The following WAC variants were observed in gnomAD, a reference collection of about 807,000 sequenced individuals.
WAC encodes the protein WW domain containing adaptor with coiled-coil.
In WAC, 11 loss-of-function variants were observed where a neutral mutation model predicts 79.6. The observed-to-expected ratio is 0.14, with a 90% CI of 0.09 to 0.23. The LOEUF (loss-of-function observed/expected upper bound fraction) is 0.23, where lower values mean the gene tolerates loss of function less well. Ranked by LOEUF, WAC falls within the 10% of genes least tolerant of loss-of-function variation. The pLI is 1.00. For missense variants in WAC, 728 were observed against 773.5 expected (o/e 0.94, Z 0.70); for synonymous variants, 304 against 276.9 (o/e 1.10, Z -0.97).
intron 8 of WAC, among the ~76,000 whole-genome samples, chr10:28,609,497 C>T (rs1427294844): frequency 6.6e-6 from 1 of 151,012 alleles, no homozygotes; most frequent in Non-Finnish European, 1.5e-5. Context: ...TCTGTTCTTA[C>T]TGTCCTTAAT....
At chr10:28,582,659 T>G (rs1193869080) in intron 3 of WAC, among the ~76,000 whole-genome samples, 1 of 152,230 alleles carries the variant, frequency 6.6e-6, no homozygotes, top group Non-Finnish European at 1.5e-5. Context: ...AACATTAGAC[T>G]TCTGTGGTGA....
At chr10:28,560,309 C>A (rs527485036) in intron 3 of WAC, among the ~76,000 whole-genome samples, 24 of 152,090 alleles carry the variant, frequency 1.6e-4, no homozygotes, top group Non-Finnish European at 5.9e-5. Context: ...TCTAGCGAGC[C>A]GTCCTGATGC....
intron 3 of WAC, among the ~76,000 whole-genome samples, chr10:28,579,571 CATGTGATATTTTAAG>C (rs1442427970): frequency 6.6e-6 from 1 of 152,092 alleles, no homozygotes; most frequent in Non-Finnish European, 1.5e-5. Flanking sequence ...TATAAAAATT[CATGTGATATTTTAAG>C]ATAGGAGATT....
chr10:28,539,572 GT>G (rs59043428), intron 3 of WAC, among the ~76,000 whole-genome samples: 124,659 of 149,452 alleles, frequency 0.83, 52,030 homozygotes, highest in East Asian at 0.94. Context: ...TTGTTTTTTG[GT>G]TTTTTTTTTT....
intron 4 of WAC, among the ~76,000 whole-genome samples, chr10:28,587,599 T>C (rs1839887458): frequency 6.6e-6 from 1 of 152,188 alleles, no homozygotes. Context: ...GTCCTCAATA[T>C]TAGTTACTCT....
Position 28,611,904 on chromosome 10 carries a change from T to A in WAC, c.1419T>A (p.Pro473=). Reference sequence around the variant, plus strand: ...TCAAACCTTTGATCAGTACTCCTCCTGTTTCATCACAGCCAAAGGTATGTC... The same window carrying A: ...TCAAACCTTTGATCAGTACTCCTCCAGTTTCATCACAGCCAAAGGTATGTC... ...VPIKPLISTP[P]VSSQPKVSTP... is the part of the protein sequence containing the mutation. Residue 473 remains proline (P), a synonymous_variant, in exon 10 of 14, where the codon CCT becomes CCA. Coordinates refer to ENST00000354911, the MANE Select transcript of WAC (RefSeq NM_016628.5). The A allele has an allele frequency of 1.9e-6, 3 of 1,613,040 alleles. No individual in the cohort carries two copies. Among genetic ancestry groups the A allele is most frequent in the Non-Finnish European group, 2.5e-6 (3 of 1,179,704 alleles).
At chr10:28,547,852 T>G (rs1564377196) in intron 3 of WAC, among the ~76,000 whole-genome samples, 1 of 151,870 alleles carries the variant, frequency 6.6e-6, no homozygotes, top group Non-Finnish European at 1.5e-5. Flanking sequence ...TAGGCCTTTT[T>G]TCGTTACTTC....
At chr10:28,563,247 C>T (rs1324152120) in intron 3 of WAC, among the ~76,000 whole-genome samples, 2 of 152,044 alleles carry the variant, frequency 1.3e-5, no homozygotes, top group East Asian at 1.9e-4. Flanking sequence ...TGATTCTTTT[C>T]CTTCTAGTTG....
At chr10:28,546,619 A>G (rs1332509384) in intron 3 of WAC, among the ~76,000 whole-genome samples, 2 of 152,180 alleles carry the variant, frequency 1.3e-5, no homozygotes, top group Admixed American at 6.5e-5. Context: ...CTAAAACTAA[A>G]ATAATTTTAT....
rs1378546824 is a variant in WAC, at chr10:28,610,765, C to T, written c.1232C>T (p.Pro411Leu). The change falls in exon 9 of 14, where the codon CCA becomes CTA. Residue 411 changes from proline to leucine, a missense_variant. Pro to Leu is a moderately conservative substitution (Grantham distance 98). Coordinates refer to ENST00000354911, the MANE Select transcript of WAC (RefSeq NM_016628.5). ...SIIHKFLTAG[P>L]SAFNITSLIS... ...ATTCATAAGTTTCTTACTGCTGGAC[C>T]ATCTGCTTTCAACATAACGTCTCTG... The T allele has an allele frequency of 6.2e-7, 1 of 1,612,574 alleles. No individual in the cohort carries two copies. The highest frequency in any genetic ancestry group is 1.3e-5 in the African/African-American group (1 of 74,806).
chr10:28,553,851 G>T (rs1325803309), intron 3 of WAC, among the ~76,000 whole-genome samples: 1 of 152,012 alleles, frequency 6.6e-6, no homozygotes, highest in East Asian at 1.9e-4. Context: ...ATTGTAATAG[G>T]TATCATAAGT....
chr10:28,570,893 CTG>C (rs999094878), intron 3 of WAC, among the ~76,000 whole-genome samples: 41 of 148,350 alleles, frequency 2.8e-4, no homozygotes, highest in Non-Finnish European at 4.9e-4. Flanking sequence ...AATTAGATAA[CTG>C]TTTTTCTAGA....
chr10:28,612,414 C>T (rs1848025784), intron 10 of WAC, among the ~76,000 whole-genome samples: 1 of 152,032 alleles, frequency 6.6e-6, no homozygotes, highest in Admixed American at 6.5e-5. Context: ...AATTTGAAAC[C>T]TAGGTGTTTG....
intron 3 of WAC, among the ~76,000 whole-genome samples, chr10:28,541,225 A>G (rs181049021): frequency 3.5e-4 from 53 of 152,118 alleles, no homozygotes; most frequent in African/African-American, 1.1e-3. Flanking sequence ...ATTTGTGTCT[A>G]TTAAGCATCT....
rs149772682 is a variant in WAC at position 28,579,259 on chromosome 10, A to G, written c.275-4140A>G. 7.5e-3 allele frequency among the ~76,000 whole-genome samples: 1,143 copies of G among 151,772 alleles called. 13 individuals carry two copies. The highest frequency in any genetic ancestry group is 0.027 in the African/African-American group (1,096 of 41,310). Reference sequence around the variant, plus strand: ...AAAGGTACTTGACTGTATAAATGGCATTGCCTCCGTTGCTTTTTTGGATCA... The same window carrying G: ...AAAGGTACTTGACTGTATAAATGGCGTTGCCTCCGTTGCTTTTTTGGATCA... On this transcript the variant is annotated intron_variant, in intron 3 of 13. Coordinates refer to ENST00000354911, the MANE Select transcript of WAC (RefSeq NM_016628.5).
Position 28,533,180 on chromosome 10 carries a change from G to C in WAC, c.-400G>C, listed in dbSNP as rs966485715. 5 of 167,284 alleles carry C rather than the reference G, an allele frequency of 3.0e-5. No individual in the cohort carries two copies. The highest frequency in any genetic ancestry group is 1.2e-4 in the South Asian group (1 of 8,208). The allele number at this position is 167,284 out of a possible 1,614,324, so 10.4% of individuals were successfully genotyped here. Reference sequence around the variant, plus strand: ...GCACCAGCGGCGGCGGCGGCGGCGGGAGGAGGAGGAGGAGAAGAAGGACCA... The same window carrying C: ...GCACCAGCGGCGGCGGCGGCGGCGGCAGGAGGAGGAGGAGAAGAAGGACCA... On this transcript the variant is annotated 5_prime_UTR_variant, in exon 1 of 14. Coordinates refer to ENST00000354911, the MANE Select transcript of WAC (RefSeq NM_016628.5).
At position 28,595,928 on chromosome 10, in the gene WAC, C is replaced by T. The variant is rs548298771; in HGVS notation, c.806C>T (p.Thr269Met). 2.0e-5 allele frequency: 32 copies of T among 1,614,160 alleles called. No homozygotes were observed. The Admixed American group carries it at 2.7e-4, about 13-fold the overall frequency. ...AGCACTGTTCCTTCTAGTCCATTTA[C>T]GCTACAGTCTGATCACCAGCCAAAG... ...TPSTVPSSPF[T>M]LQSDHQPKKS... Residue 269 changes from threonine to methionine, a missense_variant, in exon 7 of 14, where the codon ACG (threonine) becomes ATG (methionine). Transcript: ENST00000354911.
Position 28,620,704 on chromosome 10 carries a change from T to C in WAC, c.*1098T>C, listed in dbSNP as rs186730042. The C allele has an allele frequency of 1.1e-4, 16 of 152,346 alleles. No homozygotes were observed. The East Asian group carries it at 3.1e-3, about 29-fold the overall frequency. The allele number at this position is 152,346 out of a possible 1,614,324, so 9.4% of individuals were successfully genotyped here. A position where few individuals can be genotyped will look rare whatever the true frequency, so the allele number is the denominator to read the frequency against. On this transcript the variant is annotated 3_prime_UTR_variant, in exon 14 of 14. Coordinates refer to ENST00000354911, the MANE Select transcript of WAC (RefSeq NM_016628.5). ...TTAACAGGAAATTGTGTATGAGATATTTAATGAAATAAGAAATTCAACAAG... is the reference window on the plus strand; with the variant it reads ...TTAACAGGAAATTGTGTATGAGATACTTAATGAAATAAGAAATTCAACAAG...
chr10:28,560,359 G>A (rs1343017542), intron 3 of WAC, among the ~76,000 whole-genome samples: 1 of 152,030 alleles, frequency 6.6e-6, no homozygotes, highest in Non-Finnish European at 1.5e-5. Context: ...AGATCCTGTC[G>A]GGAGTTAGGA....
Sources: allele counts gnomAD v4.1 joint callset (sites outside exome capture counted in the v4.1 genomes callset), GRCh38; gene constraint gnomAD v4.1.1; transcripts MANE v1.5; gene names NCBI Gene and HGNC (gene_info 2026-07-23, HGNC 2026-07-21).